Variants in TMEM132B observed in about 807,000 individuals in gnomAD.
The protein encoded by TMEM132B is transmembrane protein 132B.
In TMEM132B, 18 loss-of-function variants were observed where a neutral mutation model predicts 90.8. The ratio of observed to expected loss-of-function variants is 0.20; its 90% CI spans 0.14 to 0.29. The LOEUF is 0.29. TMEM132B is among the 10% of genes least tolerant of loss of function. The pLI, the probability that TMEM132B is intolerant of heterozygous loss-of-function variation, is 1.00. For synonymous variants in TMEM132B, 504 were observed against 523.3 expected, an observed-to-expected ratio of 0.96 and a Z score of 0.50; for missense variants, 1,096 against 1,326.8, an observed-to-expected ratio of 0.83 and a Z score of 2.70.
rs373253628 is a variant in TMEM132B at position 125,650,863 on chromosome 12, C to T, written c.1824C>T (p.Thr608=). Residue 608 remains threonine (T), a synonymous_variant, in exon 7 of 9, where the codon ACC becomes ACT. Coordinates refer to ENST00000682704, the MANE Select transcript of TMEM132B (RefSeq NM_001366854.1). ...DWQFDITDLV[T]EFMKVEEPKI... is the part of the protein sequence containing the mutation. ...AGTTTGACATCACTGACCTTGTGAC[C>T]GAGTTCATGAAGGTGGAGGAGCCGA... 84 of 1,613,940 alleles carry T rather than the reference C, an allele frequency of 5.2e-5. No individual in the cohort carries two copies. The highest frequency in any genetic ancestry group is 1.2e-4 in the South Asian group (11 of 91,072).
intron 3 of TMEM132B, among the ~76,000 whole-genome samples, chr12:125,508,531 G>T (rs1882900365): frequency 6.6e-6 from 1 of 152,092 alleles, no homozygotes; most frequent in Non-Finnish European, 1.5e-5. Flanking sequence ...GCCCTCCATG[G>T]CCACCTGGGA....
chr12:125,592,478 G>A (rs1885337941), intron 5 of TMEM132B, among the ~76,000 whole-genome samples: 1 of 152,198 alleles, frequency 6.6e-6, no homozygotes, highest in Non-Finnish European at 1.5e-5. Flanking sequence ...CCCTGTCCCA[G>A]GGAAGGACTT....
chr12:125,443,032 A>T (rs1880916913), intron 3 of TMEM132B, among the ~76,000 whole-genome samples: 1 of 152,190 alleles, frequency 6.6e-6, no homozygotes, highest in Non-Finnish European at 1.5e-5. Context: ...TAGAATTATG[A>T]TTCCCTTACA....
At chr12:125,235,802 C>T (rs1593050687) in intron 1 of TMEM132B, among the ~76,000 whole-genome samples, 10 of 107,392 alleles carry the variant, frequency 9.3e-5, no homozygotes, top group East Asian at 2.6e-4. Context: ...CACTTCATTC[C>T]TTTTTTTTTT....
chr12:125,382,016 G>A (rs1027318727), intron 2 of TMEM132B, among the ~76,000 whole-genome samples: 1 of 152,160 alleles, frequency 6.6e-6, no homozygotes, highest in African/African-American at 2.4e-5. Flanking sequence ...TTCTGGGCTT[G>A]GGTTTCTAGG....
At chr12:125,215,767 C>G (rs1043300329) in intron 1 of TMEM132B, among the ~76,000 whole-genome samples, 1 of 152,224 alleles carries the variant, frequency 6.6e-6, no homozygotes, top group Non-Finnish European at 1.5e-5. Flanking sequence ...GTCTTGAACT[C>G]CAGACCTCAG....
chr12:125,203,867 T>C (rs1292316428), intron 1 of TMEM132B, among the ~76,000 whole-genome samples: 1 of 152,220 alleles, frequency 6.6e-6, no homozygotes, highest in Non-Finnish European at 1.5e-5. Context: ...AATTCCAGTA[T>C]ATATGCTGAC....
At chr12:125,189,322 AT>A (rs1325636124) in intron 1 of TMEM132B, among the ~76,000 whole-genome samples, 3 of 152,174 alleles carry the variant, frequency 2.0e-5, no homozygotes, top group Non-Finnish European at 4.4e-5. Context: ...GCTGAGGAAA[AT>A]GAACGAATCT....
At chr12:125,613,232 T>G (rs1453974126) in intron 5 of TMEM132B, among the ~76,000 whole-genome samples, 1 of 128,216 alleles carries the variant, frequency 7.8e-6, no homozygotes, top group Non-Finnish European at 1.6e-5. Flanking sequence ...ATTATATATA[T>G]ATAATATAGT....
intron 6 of TMEM132B, among the ~76,000 whole-genome samples, chr12:125,645,766 T>C (rs1566100225): frequency 6.6e-6 from 1 of 152,198 alleles, no homozygotes. Flanking sequence ...AGTGTGTTGG[T>C]GTGGGCATTG....
intron 3 of TMEM132B, 95 bp from the exon 4 acceptor site, chr12:125,519,344 G>T (rs964997): frequency 3.9e-6 from 5 of 1,297,766 alleles, no homozygotes; most frequent in Non-Finnish European, 5.3e-6. Flanking sequence ...TCATTCTTTT[G>T]GTTGACAAAT....
intron 3 of TMEM132B, among the ~76,000 whole-genome samples, chr12:125,442,250 C>A (rs1880895456): frequency 6.6e-6 from 1 of 152,170 alleles, no homozygotes; most frequent in Non-Finnish European, 1.5e-5. Flanking sequence ...GAAATAGAGG[C>A]AGGAAATATA....
At chr12:125,582,365 G>A (rs917708006) in intron 4 of TMEM132B, among the ~76,000 whole-genome samples, 6 of 151,852 alleles carry the variant, frequency 4.0e-5, no homozygotes, top group Non-Finnish European at 7.4e-5. Context: ...GTTTGGAATA[G>A]AGAGTGCGGG....
intron 5 of TMEM132B, among the ~76,000 whole-genome samples, chr12:125,618,184 C>A (rs1886035773): frequency 6.6e-6 from 1 of 152,130 alleles, no homozygotes; most frequent in African/African-American, 2.4e-5. Flanking sequence ...ACACTAGCCT[C>A]TAGTATTCTC....
chr12:125,529,024 CCTT>C (rs1428225116), intron 4 of TMEM132B, among the ~76,000 whole-genome samples: 1 of 148,082 alleles, frequency 6.8e-6, no homozygotes, highest in Non-Finnish European at 1.5e-5. Context: ...TCTTCCCCCT[CCTT>C]CTTCCTCCCT....
At chr12:125,553,635 C>T (rs1466920286) in intron 4 of TMEM132B, among the ~76,000 whole-genome samples, 1 of 152,286 alleles carries the variant, frequency 6.6e-6, no homozygotes, top group East Asian at 1.9e-4. Flanking sequence ...GATGAGTTTA[C>T]ATAGTGCATG....
chr12:125,380,934 G>A (rs1024402792), intron 2 of TMEM132B, among the ~76,000 whole-genome samples: 1 of 152,202 alleles, frequency 6.6e-6, no homozygotes, highest in Admixed American at 6.5e-5. Context: ...CCTTCCAGAT[G>A]CACATGAATG....
At chr12:125,570,652 A>G (rs1884768616) in intron 4 of TMEM132B, among the ~76,000 whole-genome samples, 2 of 152,234 alleles carry the variant, frequency 1.3e-5, no homozygotes. Context: ...AAAAATAGCC[A>G]TCAAGTTGGG....
At chr12:125,600,810 T>G (rs1342749730) in intron 5 of TMEM132B, among the ~76,000 whole-genome samples, 1 of 152,116 alleles carries the variant, frequency 6.6e-6, no homozygotes, top group African/African-American at 2.4e-5. Context: ...AAGCAGGGGT[T>G]GCAATCCTAG....
Sources: allele counts gnomAD v4.1 joint callset (sites outside exome capture counted in the v4.1 genomes callset), GRCh38; gene constraint gnomAD v4.1.1; transcripts MANE v1.5; gene names NCBI Gene and HGNC (gene_info 2026-07-23, HGNC 2026-07-21).